AEBP2: variants seen among roughly 807,000 people sequenced by gnomAD.
The protein encoded by AEBP2 is zinc finger protein AEBP2.
Under a neutral mutation model 50.8 loss-of-function variants are expected in AEBP2, and 10 were observed. That is an observed-to-expected ratio of 0.20 (90% CI 0.12 to 0.33). The LOEUF (loss-of-function observed/expected upper bound fraction) is 0.33, where lower values mean the gene tolerates loss of function less well. Ranked by LOEUF, AEBP2 falls within the 10% of genes least tolerant of loss-of-function variation. The probability of loss-of-function intolerance (pLI) is 1.00; values close to 1 mark genes in which losing one functional copy is unlikely to be tolerated. For missense variants in AEBP2, 570 were observed against 688.0 expected (o/e 0.83, Z 1.92); for synonymous variants, 296 against 261.3 (o/e 1.13, Z -1.28).
At chr12:19,477,741 T>A (rs11044593) in intron 3 of AEBP2, among the ~76,000 whole-genome samples, 7,210 of 152,264 alleles carry the variant, frequency 0.047, 380 homozygotes, top group East Asian at 0.18. Flanking sequence ...TCTGTAGATT[T>A]ATTTTTTTGT....
chr12:19,516,414 A>G (rs1166474182), intron 7 of AEBP2, among the ~76,000 whole-genome samples: 2 of 152,186 alleles, frequency 1.3e-5, no homozygotes, highest in Non-Finnish European at 2.9e-5. Flanking sequence ...AAGGGCCATG[A>G]ATCTTAAATT....
At chr12:19,420,328 ATTTTTT>A (rs780103252) in intron 1 of AEBP2, among the ~76,000 whole-genome samples, 1 of 76,586 alleles carries the variant, frequency 1.3e-5, no homozygotes, top group Non-Finnish European at 2.3e-5. Context: ...TGTGCTGACC[ATTTTTT>A]TTTTTTTTTT....
At chr12:19,511,358 T>G (rs562603008) in intron 5 of AEBP2, among the ~76,000 whole-genome samples, 83 of 152,302 alleles carry the variant, frequency 5.4e-4, no homozygotes, top group African/African-American at 1.9e-3. Flanking sequence ...GGACAGTATT[T>G]CTATTATGTT....
In AEBP2 at chr12:19,462,810, G is replaced by A. The variant is rs1343800354; in HGVS notation, c.879+93G>A. The A allele has an allele frequency of 3.4e-6, 4 of 1,189,228 alleles. No individual in the cohort carries two copies. The African/African-American group carries it at 6.2e-5, about 18-fold the overall frequency. The allele number at this position is 1,189,228 out of a possible 1,614,324, so 73.7% of individuals were successfully genotyped here. A position where few individuals can be genotyped will look rare whatever the true frequency, so the allele number is the denominator to read the frequency against. On this transcript the variant is annotated intron_variant, in intron 2 of 7. Transcript: ENST00000266508. ...TAGGCTTTTTTGCTGAAAGTAATTT[G>A]GGATTATTTTTACACAGGCTTAGTT...
chr12:19,516,571 T>G (rs1949321488), intron 7 of AEBP2, among the ~76,000 whole-genome samples: 1 of 152,216 alleles, frequency 6.6e-6, no homozygotes, highest in Admixed American at 6.5e-5. Flanking sequence ...AAACAAAATT[T>G]AAGCTTGAAC....
chr12:19,489,869 TG>T (rs1182218044), intron 3 of AEBP2, among the ~76,000 whole-genome samples: 2 of 147,992 alleles, frequency 1.4e-5, no homozygotes, highest in African/African-American at 5.1e-5. Flanking sequence ...ATTTTACTTC[TG>T]TTTTTTTTTA....
At chr12:19,416,233 C>T (rs1392208370) in intron 1 of AEBP2, among the ~76,000 whole-genome samples, 1 of 152,058 alleles carries the variant, frequency 6.6e-6, no homozygotes, top group Admixed American at 6.6e-5. Context: ...CTTGTATCTG[C>T]CAAACAGAAT....
intron 1 of AEBP2, chr12:19,456,940 A>G: frequency 1.3e-6 from 2 of 1,486,280 alleles, no homozygotes; most frequent in Non-Finnish European, 1.9e-6. Context: ...GATGTAGTCC[A>G]GAGCCTCAAG....
At chr12:19,475,610 C>T (rs1222434769) in intron 3 of AEBP2, among the ~76,000 whole-genome samples, 1 of 152,080 alleles carries the variant, frequency 6.6e-6, no homozygotes, top group East Asian at 1.9e-4. Context: ...TAGTGACAAT[C>T]CCAGTAGTGG....
chr12:19,440,146 C>T lies in AEBP2; in HGVS notation c.447C>T (p.Ser149=), dbSNP rs1389044790. Residue 149 remains serine, a synonymous_variant, in exon 1 of 8, where the codon AGC becomes AGT. Transcript: ENST00000266508. ...SLSPGAASSS[S]GDGDGKEGLE... is the part of the protein sequence containing the mutation. Reference sequence around the variant, plus strand: ...GCCCCGGCGCCGCCAGCAGCAGCAGCGGGGATGGGGACGGCAAGGAGGGCC... The same window carrying T: ...GCCCCGGCGCCGCCAGCAGCAGCAGTGGGGATGGGGACGGCAAGGAGGGCC... The T allele has an allele frequency of 5.3e-6, 8 of 1,502,914 alleles. No individual in the cohort carries two copies. Among genetic ancestry groups the T allele is most frequent in the Non-Finnish European group, 6.2e-6 (7 of 1,132,884 alleles). The allele number at this position is 1,502,914 out of a possible 1,614,324, so 93.1% of individuals were successfully genotyped here. A position where few individuals can be genotyped will look rare whatever the true frequency, so the allele number is the denominator to read the frequency against.
chr12:19,454,371 A>G (rs1948227056), intron 1 of AEBP2, among the ~76,000 whole-genome samples: 1 of 151,984 alleles, frequency 6.6e-6, no homozygotes. Flanking sequence ...ACACACACAC[A>G]CTTGGCTAGA....
chr12:19,416,188 A>C (rs1307751557), intron 1 of AEBP2, among the ~76,000 whole-genome samples: 2 of 152,158 alleles, frequency 1.3e-5, no homozygotes, highest in African/African-American at 4.8e-5. Flanking sequence ...TCTTTAAAAA[A>C]CAAAAGAAAA....
chr12:19,406,985 G>A (rs1440444037), intron 1 of AEBP2, among the ~76,000 whole-genome samples: 1 of 152,032 alleles, frequency 6.6e-6, no homozygotes, highest in Non-Finnish European at 1.5e-5. Context: ...TTGCTCCTCT[G>A]TCAAAGAAAT....
At chr12:19,440,696 A>C in intron 1 of AEBP2, 1 of 1,533,378 alleles carries the variant, frequency 6.5e-7, no homozygotes, top group Non-Finnish European at 8.7e-7. Flanking sequence ...GGAGCAGAAG[A>C]GGGCCTTGAT....
intron 5 of AEBP2, among the ~76,000 whole-genome samples, chr12:19,511,349 G>T (rs1949230125): frequency 6.6e-6 from 1 of 152,120 alleles, no homozygotes; most frequent in Non-Finnish European, 1.5e-5. Context: ...TAGAGAGCAG[G>T]ACAGTATTTC....
rs569791258 is a variant in AEBP2, at chr12:19,506,052, G to T, written c.1299+5831G>T. On this transcript the variant is annotated intron_variant, in intron 5 of 7. Coordinates refer to ENST00000266508, the MANE Select transcript of AEBP2 (RefSeq NM_153207.5). The stretch of plus-strand genomic sequence containing the variant: ...GTGATCCTCCTGGCTTTGCCTCCCA[G>T]AGTGCTGGAGTGAGCCACCGTGCCT... Among the ~76,000 whole-genome samples, 12 of 151,868 alleles carry T rather than the reference G, an allele frequency of 7.9e-5. No homozygotes were observed. The East Asian group carries it at 1.7e-3, about 22-fold the overall frequency.
chr12:19,451,259 G>A (rs73071055), intron 1 of AEBP2, among the ~76,000 whole-genome samples: 11,216 of 152,176 alleles, frequency 0.074, 471 homozygotes, highest in South Asian at 0.18. Flanking sequence ...GTATCAGCTC[G>A]TGGAAGCAGC....
At chr12:19,499,275 C>T (rs991619435) in intron 4 of AEBP2, among the ~76,000 whole-genome samples, 1 of 152,114 alleles carries the variant, frequency 6.6e-6, no homozygotes, top group African/African-American at 2.4e-5. Context: ...TTTATTAGAT[C>T]ATTGTTCAAA....
At position 19,427,955 on chromosome 12, in the gene AEBP2, T is replaced by A. The variant is rs529915485; in HGVS notation, c.-17+23739T>A. ...GAAGTTTCTCTCTTGTTGCCCAGGC[T>A]GGAGTGCAATGGTGTGATCTCCCGT... On this transcript the variant is annotated intron_variant, in intron 1 of 3. Coordinates refer to the AEBP2 transcript ENST00000538425. 8.9e-4 allele frequency among the ~76,000 whole-genome samples: 136 copies of A among 152,134 alleles called. 1 individual carries two copies. Among genetic ancestry groups the A allele is most frequent in the Middle Eastern group, 6.8e-3 (2 of 294 alleles).
Sources: allele counts gnomAD v4.1 joint callset (sites outside exome capture counted in the v4.1 genomes callset), GRCh38; gene constraint gnomAD v4.1.1; transcripts MANE v1.5; gene names NCBI Gene and HGNC (gene_info 2026-07-23, HGNC 2026-07-21).